Variants in ADGRL3 observed in about 807,000 individuals in gnomAD.
The protein encoded by ADGRL3 is adhesion G protein-coupled receptor L3.
ADGRL3 carries 62 observed loss-of-function variants against 153.5 expected under a neutral mutation model. The observed-to-expected ratio is 0.40, with a 90% CI of 0.33 to 0.50. The LOEUF (loss-of-function observed/expected upper bound fraction) is 0.50, where lower values mean the gene tolerates loss of function less well. ADGRL3 is among the 20% of genes least tolerant of loss of function. The pLI is 0.47. For synonymous variants in ADGRL3, 710 were observed against 672.5 expected (o/e 1.06, Z -0.86); for missense variants, 1,641 against 1,859.4 (o/e 0.88, Z 2.16).
At chr4:61,388,853 T>C (rs2096771012) in intron 2 of ADGRL3, among the ~76,000 whole-genome samples, 2 of 152,194 alleles carry the variant, frequency 1.3e-5, no homozygotes, top group Non-Finnish European at 2.9e-5. Context: ...TCAGGTATTC[T>C]CTTCTCATGG....
At chr4:61,685,320 G>C (rs1392331898) in intron 6 of ADGRL3, among the ~76,000 whole-genome samples, 2 of 152,022 alleles carry the variant, frequency 1.3e-5, no homozygotes, top group African/African-American at 4.8e-5. Flanking sequence ...CTATAACTGT[G>C]CTAAATGCCA....
At chr4:61,912,692 T>G in intron 12 of ADGRL3, 27 bp from the exon 13 acceptor site, 20 of 1,609,846 alleles carry the variant, frequency 1.2e-5, no homozygotes, top group Non-Finnish European at 1.7e-5. Context: ...CTATTCTGTG[T>G]TTAATCTGCT....
At chr4:62,048,643 A>C (rs1027105721) in intron 25 of ADGRL3, among the ~76,000 whole-genome samples, 1 of 151,992 alleles carries the variant, frequency 6.6e-6, no homozygotes, top group Non-Finnish European at 1.5e-5. Context: ...TGAAGCCTCA[A>C]ACTCCTGGGC....
intron 25 of ADGRL3, among the ~76,000 whole-genome samples, chr4:62,059,343 T>C (rs1318250930): frequency 1.3e-5 from 2 of 152,286 alleles, no homozygotes; most frequent in Admixed American, 6.5e-5. Context: ...TCAAATTCCA[T>C]TTCTTTCTTT....
In ADGRL3 at chr4:61,542,149, A is replaced by C. The variant is rs545194023; in HGVS notation, c.259+24631A>C. On this transcript the variant is annotated intron_variant, in intron 4 of 26. Coordinates refer to ENST00000683033, the MANE Select transcript of ADGRL3 (RefSeq NM_001387552.1). ...TAACTGGAATCTGGATACTCTCATA[A>C]AATGTTTAAGCTAAAAGGAACCTTT... Among the ~76,000 whole-genome samples the C allele has an allele frequency of 9.1e-4, 138 of 152,264 alleles. 1 individual carries two copies. Among genetic ancestry groups the C allele is most frequent in the African/African-American group, 3.2e-3 (131 of 41,558 alleles).
chr4:61,614,613 A>C (rs2091786255), intron 5 of ADGRL3, among the ~76,000 whole-genome samples: 1 of 152,140 alleles, frequency 6.6e-6, no homozygotes. Context: ...AGAGAAAGAA[A>C]ATCCAGGATT....
At chr4:61,509,326 C>G (rs979107976) in intron 3 of ADGRL3, among the ~76,000 whole-genome samples, 5 of 151,990 alleles carry the variant, frequency 3.3e-5, no homozygotes, top group African/African-American at 9.7e-5. Flanking sequence ...CAGGGTCTTG[C>G]CATGTTGGCC....
intron 8 of ADGRL3, among the ~76,000 whole-genome samples, chr4:61,773,164 A>G (rs1264436365): frequency 6.6e-6 from 1 of 152,204 alleles, no homozygotes; most frequent in Admixed American, 6.5e-5. Context: ...GCACTTGTCC[A>G]GGTGGATAAT....
intron 1 of ADGRL3, among the ~76,000 whole-genome samples, chr4:61,279,041 G>A (rs1028463824): frequency 3.3e-5 from 5 of 152,106 alleles, no homozygotes; most frequent in African/African-American, 1.2e-4. Context: ...GTTGCTCTAC[G>A]TCTGTTCATG....
chr4:61,581,872 C>T (rs1328507754), intron 4 of ADGRL3, among the ~76,000 whole-genome samples: 2 of 152,084 alleles, frequency 1.3e-5, no homozygotes, highest in African/African-American at 4.8e-5. Flanking sequence ...TGTTCAAATA[C>T]ATTCTTTATC....
At position 61,887,986 on chromosome 4, in the gene ADGRL3, G is replaced by C. The variant is rs1340098721; in HGVS notation, c.1481-4670G>C. Among the ~76,000 whole-genome samples, 158 of 151,964 alleles carry C rather than the reference G, an allele frequency of 1.0e-3. 2 individuals carry two copies. Among genetic ancestry groups the C allele is most frequent in the Non-Finnish European group, 2.1e-4 (14 of 68,022 alleles). On this transcript the variant is annotated intron_variant, in intron 9 of 26. Transcript: ENST00000683033. Reference sequence around the variant, plus strand: ...TCAAAATAATGTTTATTCTTTTCAAGGCAGGCTGAAGGAAAAAAATTAAAC... The same window carrying C: ...TCAAAATAATGTTTATTCTTTTCAACGCAGGCTGAAGGAAAAAAATTAAAC...
chr4:61,817,116 G>A (rs972497098), intron 9 of ADGRL3, among the ~76,000 whole-genome samples: 4 of 151,812 alleles, frequency 2.6e-5, no homozygotes, highest in African/African-American at 9.7e-5. Flanking sequence ...CCCAGGTTTG[G>A]GGGGCTGAAG....
intron 9 of ADGRL3, among the ~76,000 whole-genome samples, chr4:61,845,730 C>T (rs1460102179): frequency 1.3e-5 from 2 of 151,866 alleles, no homozygotes; most frequent in Admixed American, 6.6e-5. Context: ...CCAGAATTTG[C>T]TCAGTGGTAT....
At chr4:61,885,312 G>A (rs1208374937) in intron 9 of ADGRL3, among the ~76,000 whole-genome samples, 2 of 152,056 alleles carry the variant, frequency 1.3e-5, no homozygotes, top group Admixed American at 1.3e-4. Context: ...TGGGCAACAA[G>A]AGTGAAACTC....
At chr4:61,850,005 T>G (rs554882462) in intron 9 of ADGRL3, among the ~76,000 whole-genome samples, 4 of 152,228 alleles carry the variant, frequency 2.6e-5, no homozygotes, top group Non-Finnish European at 2.9e-5. Flanking sequence ...GTTAAGACAG[T>G]CTTCTAAGAA....
At chr4:61,339,110 T>G (rs1316193350) in intron 1 of ADGRL3, among the ~76,000 whole-genome samples, 1 of 152,178 alleles carries the variant, frequency 6.6e-6, no homozygotes, top group Non-Finnish European at 1.5e-5. Flanking sequence ...CTAGAAGTGA[T>G]TGATCCAACT....
chr4:61,714,351 T>C (rs1049686722), intron 6 of ADGRL3, among the ~76,000 whole-genome samples: 1 of 151,168 alleles, frequency 6.6e-6, no homozygotes, highest in Non-Finnish European at 1.5e-5. Flanking sequence ...ATTGTTTATG[T>C]ATACTTGAGT....
chr4:61,733,697 A>C, intron 8 of ADGRL3, 143 bp downstream of exon 8: 1 of 651,536 alleles, frequency 1.5e-6, no homozygotes, highest in Non-Finnish European at 2.6e-6. Context: ...GCATCTAAAG[A>C]AGGTTGCTGC....
intron 6 of ADGRL3, among the ~76,000 whole-genome samples, chr4:61,684,484 A>G (rs1298667529): frequency 1.3e-5 from 2 of 152,060 alleles, no homozygotes; most frequent in African/African-American, 2.4e-5. Flanking sequence ...CATGAAATCC[A>G]GTAGTGGAGT....
Sources: allele counts gnomAD v4.1 joint callset (sites outside exome capture counted in the v4.1 genomes callset), GRCh38; gene constraint gnomAD v4.1.1; transcripts MANE v1.5; gene names NCBI Gene and HGNC (gene_info 2026-07-23, HGNC 2026-07-21).